The following CD99L2 variants were observed in gnomAD, a reference collection of about 807,000 sequenced individuals.
The protein encoded by CD99L2 is CD99 antigen-like protein 2.
Under a neutral mutation model 27.3 loss-of-function variants are expected in CD99L2, and 24 were observed. That is an observed-to-expected ratio of 0.88 (90% CI 0.64 to 1.24). CD99L2 has a LOEUF of 1.24. Ranked by LOEUF, CD99L2 falls within the 50% of genes most tolerant of loss-of-function variation. The pLI is 0.00. For synonymous variants in CD99L2, 97 were observed against 87.9 expected, an observed-to-expected ratio of 1.10 and a Z score of -0.58; for missense variants, 255 against 221.6, an observed-to-expected ratio of 1.15 and a Z score of -0.96.
At chrX:150,794,937 G>C (rs986652960) in intron 6 of CD99L2, among the ~76,000 whole-genome samples, 3 of 112,802 alleles carry the variant, frequency 2.7e-5, no homozygotes, top group South Asian at 3.6e-4. Flanking sequence ...AAATGTATGG[G>C]TTTAATGTTG....
In CD99L2 at chrX:150,768,919, A is replaced by G. The variant is rs2043357648; in HGVS notation, c.*115T>C. ...GAGCTCATCCGGGAAACTCAGACCA[A>G]CAAGGAGCCGATGGCACAGAGCAGC... On this transcript the variant is annotated 3_prime_UTR_variant, in exon 11 of 11. Transcript: ENST00000370377. The G allele has an allele frequency of 9.4e-7, 1 of 1,068,081 alleles. No individual in the cohort carries two copies. The highest frequency in any genetic ancestry group is 1.9e-5 in the African/African-American group (1 of 51,476). The allele number at this position is 1,068,081 out of a possible 1,213,427, so 88.0% of individuals were successfully genotyped here.
chrX:150,848,114 C>T (rs909341343), intron 1 of CD99L2, among the ~76,000 whole-genome samples: 7 of 106,555 alleles, frequency 6.6e-5, no homozygotes, highest in Admixed American at 5.0e-4. Flanking sequence ...CCTGCAGGCC[C>T]CCCCCCCCTT....
chrX:150,784,873 T>C (rs1259346930), intron 7 of CD99L2, among the ~76,000 whole-genome samples: 1 of 111,873 alleles, frequency 8.9e-6, no homozygotes, highest in Non-Finnish European at 1.9e-5. Flanking sequence ...TGCTATCCTG[T>C]ACCAGCGGAG....
At chrX:150,792,350 C>A (rs1458351529) in intron 7 of CD99L2, among the ~76,000 whole-genome samples, 1 of 112,150 alleles carries the variant, frequency 8.9e-6, no homozygotes, top group Non-Finnish European at 1.9e-5. Context: ...GCTCTCATTT[C>A]ACCATCTGGA....
intron 1 of CD99L2, among the ~76,000 whole-genome samples, chrX:150,853,390 AC>A (rs2046822713): frequency 1.8e-5 from 2 of 110,287 alleles, no homozygotes; most frequent in African/African-American, 6.6e-5. Flanking sequence ...CCTGCCTCAA[AC>A]CCCCCACCCA....
intron 3 of CD99L2, among the ~76,000 whole-genome samples, chrX:150,815,672 A>C (rs896288485): frequency 1.8e-5 from 2 of 112,473 alleles, no homozygotes; most frequent in Non-Finnish European, 3.8e-5. Context: ...AAAATGTTCC[A>C]TCTGCCTAAA....
At chrX:150,795,068 G>T in intron 6 of CD99L2, 138 bp downstream of exon 6, 1 of 640,567 alleles carries the variant, frequency 1.6e-6, no homozygotes, top group South Asian at 2.7e-5. Context: ...GGAGTCCCCA[G>T]ACCAAAAAAG....
At chrX:150,800,529 C>A (rs1428791108) in intron 4 of CD99L2, among the ~76,000 whole-genome samples, 3 of 111,327 alleles carry the variant, frequency 2.7e-5, no homozygotes, top group African/African-American at 9.8e-5. Context: ...ATGATTTAAG[C>A]TATATGGGAG....
intron 1 of CD99L2, among the ~76,000 whole-genome samples, chrX:150,866,900 TCTG>T (rs2047070054): frequency 9.0e-6 from 1 of 110,772 alleles, no homozygotes. Flanking sequence ...ATGAGAAGAC[TCTG>T]CTATTTTCAC....
intron 1 of CD99L2, among the ~76,000 whole-genome samples, chrX:150,833,447 G>GA (rs1569566038): frequency 9.0e-6 from 1 of 111,433 alleles, no homozygotes; most frequent in Admixed American, 9.5e-5. Context: ...CACAGAAATG[G>GA]AAAAAAATCC....
intron 1 of CD99L2, among the ~76,000 whole-genome samples, chrX:150,880,069 G>A (rs782199066): frequency 5.4e-5 from 6 of 111,642 alleles, no homozygotes; most frequent in East Asian, 2.8e-4. Context: ...ACAAGTGTTG[G>A]CAAGGACATA....
intron 7 of CD99L2, among the ~76,000 whole-genome samples, chrX:150,781,975 G>A (rs782232684): frequency 1.3e-4 from 15 of 112,022 alleles, no homozygotes; most frequent in African/African-American, 4.2e-4. Flanking sequence ...TGGGGGAGGC[G>A]GGGATGCACC....
In CD99L2 at chrX:150,793,756, C is replaced by T; in HGVS notation, c.431G>A (p.Gly144Asp). ...GTCTTCAAGATCCTTGTCTGAAAAA[C>T]CTGGAGAAAATAAAACATACATTTC... ...GRRKPIAGGG[G>D]FSDKDLEDIV... Residue 144 changes from glycine to aspartate, a missense_variant and splice_region_variant, in exon 7 of 11, where the codon GGT becomes GAT. Transcript: ENST00000370377. 1 of 1,187,458 alleles carries T rather than the reference C, an allele frequency of 8.4e-7. No homozygotes were observed. The highest frequency in any genetic ancestry group is 3.0e-5 in the East Asian group (1 of 33,067).
chrX:150,837,140 C>T (rs1557421226), intron 1 of CD99L2, among the ~76,000 whole-genome samples: 1 of 112,112 alleles, frequency 8.9e-6, no homozygotes, highest in Non-Finnish European at 1.9e-5. Flanking sequence ...TAATCCTACT[C>T]TCCAAAAAGG....
At chrX:150,849,939 C>G (rs1249172327) in intron 1 of CD99L2, among the ~76,000 whole-genome samples, 1 of 111,214 alleles carries the variant, frequency 9.0e-6, no homozygotes, top group East Asian at 2.8e-4. Flanking sequence ...ATCCCTAAGC[C>G]AGTTCTATAT....
chrX:150,881,602 GGAACT>G (rs1422559798), intron 1 of CD99L2, among the ~76,000 whole-genome samples: 1 of 112,140 alleles, frequency 8.9e-6, no homozygotes, highest in African/African-American at 3.2e-5. Flanking sequence ...GTTCTTGGAG[GGAACT>G]GACCAGGAAT....
intron 1 of CD99L2, among the ~76,000 whole-genome samples, chrX:150,859,112 G>A (rs1180359531): frequency 1.8e-5 from 2 of 111,939 alleles, no homozygotes; most frequent in Non-Finnish European, 3.8e-5. Flanking sequence ...AGAGGAAATG[G>A]ATAAATTTCT....
rs1299426327 is a variant in CD99L2, at chrX:150,767,095, G to T, written c.*1939C>A. 8.9e-6 allele frequency: 1 copy of T among 111,933 alleles called. No individual in the cohort carries two copies. The highest frequency in any genetic ancestry group is 1.9e-5 in the Non-Finnish European group (1 of 53,156). The allele number at this position is 111,933 out of a possible 1,213,427, so 9.2% of individuals were successfully genotyped here. ...TAAAGTGGACAACCCCTGAGGTCAC[G>T]CTGTCCAGGTGGCGACAGGCCACGC... On this transcript the variant is annotated 3_prime_UTR_variant, in exon 11 of 11. Transcript: ENST00000370377.
At chrX:150,802,504 T>C (rs1279651612) in intron 4 of CD99L2, among the ~76,000 whole-genome samples, 2 of 106,460 alleles carry the variant, frequency 1.9e-5, no homozygotes, top group Non-Finnish European at 3.9e-5. Context: ...AGGTGGAGGC[T>C]GCAGTGAGCC....
Sources: allele counts gnomAD v4.1 joint callset (sites outside exome capture counted in the v4.1 genomes callset), GRCh38; gene constraint gnomAD v4.1.1; transcripts MANE v1.5; gene names NCBI Gene and HGNC (gene_info 2026-07-23, HGNC 2026-07-21).